CFAP44: variants seen among roughly 807,000 people sequenced by gnomAD.
CFAP44 encodes cilia and flagella associated protein 44.
A neutral mutation model predicts 216.2 loss-of-function variants in CFAP44; 134 were observed. The ratio of observed to expected loss-of-function variants is 0.62; its 90% CI spans 0.54 to 0.72. The LOEUF (loss-of-function observed/expected upper bound fraction) is 0.72, where lower values mean the gene tolerates loss of function less well. CFAP44 is among the 30% of genes least tolerant of loss of function. The pLI, the probability that CFAP44 is intolerant of heterozygous loss-of-function variation, is 0.00. For synonymous variants in CFAP44, 700 were observed against 727.6 expected (o/e 0.96, Z 0.61); for missense variants, 2,035 against 2,182.1 (o/e 0.93, Z 1.34).
At chr3:113,363,092 C>A in intron 21 of CFAP44, 53 bp downstream of exon 21, 1 of 1,475,988 alleles carries the variant, frequency 6.8e-7, no homozygotes, top group Non-Finnish European at 9.0e-7. Flanking sequence ...ATAGTCATCT[C>A]TATCCAGAAA....
At position 113,327,680 on chromosome 3, in the gene CFAP44, T is replaced by G; in HGVS notation, c.4256A>C (p.Glu1419Ala). The G allele has an allele frequency of 2.0e-6, 3 of 1,537,068 alleles. No individual in the cohort carries two copies. Among genetic ancestry groups the G allele is most frequent in the Non-Finnish European group, 2.6e-6 (3 of 1,146,740 alleles). Residue 1419 changes from glutamate (E) to alanine (A), a missense_variant, in exon 27 of 35, where the codon GAA (glutamate) becomes GCA (alanine). Glu to Ala is a moderately radical substitution (Grantham distance 107, BLOSUM62 -1). Around this residue, in one of 3 missense-constraint regions of CFAP44, gnomAD observed 1,883 missense variants for 2,023.7 expected, o/e 0.93. Transcript: ENST00000393845. ...TTCTTGAAGTATGTTCTCCTGTTTT[T>G]CAAAATTCTTCAGGAGAAGTATTTC... is the stretch of plus-strand genomic sequence containing the variant. ...FQEILLLKNF[E>A]KQENILQERV...
At chr3:113,310,057 C>T (rs1322729263) in intron 28 of CFAP44, among the ~76,000 whole-genome samples, 1 of 152,158 alleles carries the variant, frequency 6.6e-6, no homozygotes, top group Admixed American at 6.5e-5. Flanking sequence ...AGACATCCAC[C>T]CTCACAGGGC....
chr3:113,441,513 T>A (rs1935364638), upstream of CFAP44: 2 of 985,314 alleles, frequency 2.0e-6, no homozygotes, highest in Non-Finnish European at 2.4e-6. Context: ...CTCCGTTTAC[T>A]CCGGTTACCG....
intron 13 of CFAP44, 90 bp downstream of exon 13, chr3:113,399,816 A>G (rs1481346245): frequency 2.8e-5 from 23 of 813,624 alleles, no homozygotes; most frequent in Non-Finnish European, 4.0e-5. Context: ...TAAAATTTTG[A>G]GTCAGCAAAT....
At chr3:113,438,218 CAATA>C (rs772662107) in intron 1 of CFAP44, among the ~76,000 whole-genome samples, 2 of 152,120 alleles carry the variant, frequency 1.3e-5, no homozygotes, top group Non-Finnish European at 2.9e-5. Flanking sequence ...ATGTAGGGTT[CAATA>C]AATAAAATCA....
rs113956665 is a variant in CFAP44 at position 113,409,356 on chromosome 3, A to G, written c.674-34T>C. 2,795 of 1,562,096 alleles carry G rather than the reference A, an allele frequency of 1.8e-3. 36 individuals are homozygous for G. In the African/African-American group the frequency reaches 0.033, roughly 19 times the overall value. ...ATAAATGGAAGCCTAATAAATAAGG[A>G]CACATTTATTTCATTTTCAAAAACA... On this transcript the variant is annotated intron_variant, in intron 6 of 34. Coordinates refer to ENST00000393845, the MANE Select transcript of CFAP44 (RefSeq NM_001164496.2).
At chr3:113,416,075 C>A (rs891326818) in intron 6 of CFAP44, among the ~76,000 whole-genome samples, 6 of 152,080 alleles carry the variant, frequency 3.9e-5, no homozygotes, top group African/African-American at 1.4e-4. Flanking sequence ...GAATAGTTAG[C>A]TCTTCTTGAA....
chr3:113,347,697 T>C (rs1950399667), intron 22 of CFAP44, among the ~76,000 whole-genome samples: 1 of 152,142 alleles, frequency 6.6e-6, no homozygotes, highest in South Asian at 2.1e-4. Context: ...GAAGCTAGGA[T>C]GTGGGGAGCT....
chr3:113,320,089 C>A (rs902955329), intron 28 of CFAP44, among the ~76,000 whole-genome samples: 4 of 151,956 alleles, frequency 2.6e-5, no homozygotes, highest in Admixed American at 1.3e-4. Flanking sequence ...GAAATTGAAT[C>A]AGTCATAAAA....
intron 6 of CFAP44, among the ~76,000 whole-genome samples, chr3:113,415,296 A>G (rs937923559): frequency 1.3e-5 from 2 of 150,272 alleles, no homozygotes; most frequent in Non-Finnish European, 3.0e-5. Context: ...TATGTTGTTA[A>G]TTTTTTCAAA....
At chr3:113,300,024 C>G (rs141151774) in intron 32 of CFAP44, among the ~76,000 whole-genome samples, 1 of 152,194 alleles carries the variant, frequency 6.6e-6, no homozygotes, top group Non-Finnish European at 1.5e-5. Context: ...GAGTGAGACC[C>G]TGTCTCAAAG....
chr3:113,403,214 C>G (rs1934188594), intron 9 of CFAP44, among the ~76,000 whole-genome samples: 1 of 152,192 alleles, frequency 6.6e-6, no homozygotes, highest in South Asian at 2.1e-4. Flanking sequence ...AGGCAAATCA[C>G]AAGGCTACAG....
chr3:113,295,584 C>T (rs190127410), intron 33 of CFAP44, among the ~76,000 whole-genome samples: 97 of 152,334 alleles, frequency 6.4e-4, no homozygotes, highest in Non-Finnish European at 9.8e-4. Context: ...TCTCCTCCTA[C>T]CCCATCTGCT....
chr3:113,316,784 G>C (rs926584859), intron 28 of CFAP44, among the ~76,000 whole-genome samples: 2 of 151,526 alleles, frequency 1.3e-5, no homozygotes, highest in Non-Finnish European at 2.9e-5. Context: ...CACAAGAATT[G>C]CTTGAATCTG....
At chr3:113,429,887 T>C (rs1309243604) in intron 2 of CFAP44, among the ~76,000 whole-genome samples, 3 of 152,126 alleles carry the variant, frequency 2.0e-5, no homozygotes, top group Admixed American at 6.5e-5. Context: ...CCATTTATTA[T>C]AGTAACACGT....
In CFAP44 at chr3:113,420,118, C is replaced by T. The variant is rs370318076; in HGVS notation, c.469G>A (p.Ala157Thr). 1.1e-5 allele frequency: 17 copies of T among 1,613,756 alleles called. No homozygotes were observed. Among genetic ancestry groups the T allele is most frequent in the East Asian group, 4.5e-5 (2 of 44,866 alleles). Reference sequence around the variant, plus strand: ...AGTTGGTTCCCAGCTATGTATATGGCGATACTGTCGTCCAGAAGTTGTAGG... The same window carrying T: ...AGTTGGTTCCCAGCTATGTATATGGTGATACTGTCGTCCAGAAGTTGTAGG... ...ANLQLLDDSIAIYIAGNQLIF... is the reference protein window; with the variant it reads ...ANLQLLDDSITIYIAGNQLIF... Residue 157 changes from alanine to threonine, a missense_variant, in exon 5 of 35, where the codon GCC becomes ACC. Transcript: ENST00000393845.
At chr3:113,404,615 T>A (rs987287961) in intron 8 of CFAP44, among the ~76,000 whole-genome samples, 7 of 152,324 alleles carry the variant, frequency 4.6e-5, no homozygotes, top group African/African-American at 1.7e-4. Context: ...ACTTTATATA[T>A]GTTAAGTTAT....
chr3:113,370,729 G>A (rs1026812660), intron 18 of CFAP44, among the ~76,000 whole-genome samples: 5 of 152,154 alleles, frequency 3.3e-5, no homozygotes, highest in Non-Finnish European at 7.3e-5. Flanking sequence ...GTCCTGGCCA[G>A]GGCAAACAGG....
chr3:113,364,599 T>G (rs1476794874), intron 19 of CFAP44, among the ~76,000 whole-genome samples: 1 of 152,160 alleles, frequency 6.6e-6, no homozygotes, highest in Non-Finnish European at 1.5e-5. Context: ...TCAGTGTAAC[T>G]TCTAGGATTT....
Sources: allele counts gnomAD v4.1 joint callset (sites outside exome capture counted in the v4.1 genomes callset), GRCh38; gene constraint gnomAD v4.1.1; regional missense constraint gnomAD v4.1.1; transcripts MANE v1.5; gene names NCBI Gene and HGNC (gene_info 2026-07-23, HGNC 2026-07-21).